Variants in SLCO3A1 observed in about 807,000 individuals in gnomAD.
SLCO3A1 encodes solute carrier organic anion transporter family member 3A1.
Under a neutral mutation model 63.1 loss-of-function variants are expected in SLCO3A1, and 27 were observed. That is an observed-to-expected ratio of 0.43 (90% CI 0.32 to 0.59). SLCO3A1 has a LOEUF of 0.59. Among genes scored for constraint, SLCO3A1 ranks in the 20% least tolerant of loss-of-function variants. SLCO3A1 has a pLI of 0.09. For synonymous variants in SLCO3A1, 473 were observed against 409.9 expected (o/e 1.15, Z -1.86); for missense variants, 773 against 945.8 (o/e 0.82, Z 2.40).
At chr15:91,976,885 G>A (rs920389028) in intron 2 of SLCO3A1, among the ~76,000 whole-genome samples, 2 of 152,134 alleles carry the variant, frequency 1.3e-5, no homozygotes, top group African/African-American at 4.8e-5. Flanking sequence ...AAGGGAGGCA[G>A]GGCGAGATCA....
intron 9 of SLCO3A1, among the ~76,000 whole-genome samples, chr15:92,151,842 C>T (rs1319823456): frequency 2.0e-5 from 3 of 152,212 alleles, no homozygotes; most frequent in African/African-American, 7.2e-5. Context: ...AAATAAAATT[C>T]CTCATTCCAC....
Position 91,859,995 on chromosome 15 carries a change from A to G in SLCO3A1, c.180+5907A>G, listed in dbSNP as rs1897010302. On this transcript the variant is annotated intron_variant, in intron 1 of 9. Coordinates refer to ENST00000318445, the MANE Select transcript of SLCO3A1 (RefSeq NM_013272.4). This position sits in a 1 kb window ranked among gnomAD's most constrained non-coding sequence, Gnocchi z 5.1. ...AGTAATAAGCTAAATATCAGTTGCT[A>G]ATTCTGTTTATTCCCTTATAAATAT... Among the ~76,000 whole-genome samples the G allele has an allele frequency of 6.6e-6, 1 of 152,226 alleles. No homozygotes were observed. Among genetic ancestry groups the G allele is most frequent in the Non-Finnish European group, 1.5e-5 (1 of 68,046 alleles).
chr15:92,120,662 G>A (rs750604851), intron 5 of SLCO3A1, 33 bp downstream of exon 5: 51 of 1,601,342 alleles, frequency 3.2e-5, no homozygotes, highest in African/African-American at 1.2e-4. Flanking sequence ...TGAGAGGGTC[G>A]GGGGAGGGTG....
intron 2 of SLCO3A1, among the ~76,000 whole-genome samples, chr15:92,048,159 T>A (rs1275908094): frequency 6.6e-6 from 1 of 152,068 alleles, no homozygotes; most frequent in Non-Finnish European, 1.5e-5. Context: ...GCCTCAGACC[T>A]CCCCAGAACC....
chr15:92,045,003 A>G (rs2046843080), intron 2 of SLCO3A1, among the ~76,000 whole-genome samples: 1 of 152,124 alleles, frequency 6.6e-6, no homozygotes. Flanking sequence ...TCTGAAATTA[A>G]TAATTAAAAC....
At chr15:92,010,956 C>G (rs933571159) in intron 2 of SLCO3A1, among the ~76,000 whole-genome samples, 3 of 152,216 alleles carry the variant, frequency 2.0e-5, no homozygotes, top group African/African-American at 7.2e-5. Flanking sequence ...TTCACAGTAG[C>G]CATCTAAACA....
intron 7 of SLCO3A1, among the ~76,000 whole-genome samples, chr15:92,142,832 CTT>C (rs1311335511): frequency 1.3e-5 from 2 of 152,090 alleles, no homozygotes; most frequent in Non-Finnish European, 2.9e-5. Flanking sequence ...GGATTTAACA[CTT>C]TTTAGGGCAG....
chr15:92,001,324 C>A (rs2046252507), intron 2 of SLCO3A1, among the ~76,000 whole-genome samples: 2 of 152,176 alleles, frequency 1.3e-5, no homozygotes, highest in Admixed American at 1.3e-4. Context: ...AGCTTAGGAC[C>A]TGGCACCAGC....
At chr15:91,880,381 TTCTCTCTCTC>T (rs71464533) in intron 1 of SLCO3A1, among the ~76,000 whole-genome samples, 24 of 121,768 alleles carry the variant, frequency 2.0e-4, no homozygotes, top group Non-Finnish European at 2.7e-4. Flanking sequence ...GCACTCGTGC[TTCTCTCTCTC>T]TCTCTCTCTC....
chr15:92,150,597 TAC>T (rs1229984515), intron 8 of SLCO3A1, among the ~76,000 whole-genome samples: 1 of 152,032 alleles, frequency 6.6e-6, no homozygotes, highest in Non-Finnish European at 1.5e-5. Flanking sequence ...TTCCCCCCCA[TAC>T]GTGTACCCCA....
intron 2 of SLCO3A1, among the ~76,000 whole-genome samples, chr15:91,998,348 G>A (rs1023356607): frequency 1.1e-4 from 16 of 152,084 alleles, no homozygotes; most frequent in African/African-American, 3.6e-4. Flanking sequence ...CAGCTACTCA[G>A]GAGGCTGAGG....
chr15:92,063,094 G>A (rs2047106645), intron 2 of SLCO3A1, among the ~76,000 whole-genome samples: 1 of 152,200 alleles, frequency 6.6e-6, no homozygotes, highest in Non-Finnish European at 1.5e-5. Context: ...CTCAGGTTCT[G>A]CTTATAAATA....
chr15:92,087,516 A>ATTT (rs34074469), intron 2 of SLCO3A1, among the ~76,000 whole-genome samples: 41 of 121,752 alleles, frequency 3.4e-4, no homozygotes, highest in African/African-American at 1.2e-3. Flanking sequence ...ATTATCTATT[A>ATTT]TTTTTTTTTT....
chr15:92,121,478 A>C (rs1010363376), intron 5 of SLCO3A1, among the ~76,000 whole-genome samples: 2 of 152,202 alleles, frequency 1.3e-5, no homozygotes, highest in Non-Finnish European at 2.9e-5. Context: ...AATCAGATCC[A>C]TGCAAAGTTT....
chr15:92,091,316 A>AG (rs2047472529), intron 2 of SLCO3A1, among the ~76,000 whole-genome samples: 1 of 152,146 alleles, frequency 6.6e-6, no homozygotes, highest in Non-Finnish European at 1.5e-5. Context: ...GGAAGACAGC[A>AG]GGGGGCAGCA....
intron 9 of SLCO3A1, among the ~76,000 whole-genome samples, chr15:92,161,347 G>C (rs2048434317): frequency 6.6e-6 from 1 of 152,194 alleles, no homozygotes; most frequent in South Asian, 2.1e-4. Flanking sequence ...GATTTCAGTG[G>C]TCTGGGATGG....
intron 2 of SLCO3A1, among the ~76,000 whole-genome samples, chr15:92,019,764 G>T (rs1379282557): frequency 6.6e-6 from 1 of 152,214 alleles, no homozygotes; most frequent in Non-Finnish European, 1.5e-5. Flanking sequence ...CAGCCGGTGT[G>T]TGTGTTAGAT....
intron 2 of SLCO3A1, among the ~76,000 whole-genome samples, chr15:92,050,457 C>T (rs1341127681): frequency 1.3e-5 from 2 of 152,208 alleles, no homozygotes; most frequent in Non-Finnish European, 2.9e-5. Flanking sequence ...GTGCCACCAT[C>T]CAGAGATTCA....
chr15:92,139,406 A>T (rs866348954), intron 7 of SLCO3A1, among the ~76,000 whole-genome samples: 2 of 152,034 alleles, frequency 1.3e-5, no homozygotes, highest in Admixed American at 1.3e-4. Flanking sequence ...TTTGGCATCA[A>T]TGTTCATCAA....
Sources: allele counts gnomAD v4.1 joint callset (sites outside exome capture counted in the v4.1 genomes callset), GRCh38; gene constraint gnomAD v4.1.1; non-coding constraint Gnocchi (gnomAD v3.1); transcripts MANE v1.5; gene names NCBI Gene and HGNC (gene_info 2026-07-23, HGNC 2026-07-21).